The following HHLA2 variants were observed in gnomAD, a reference collection of about 807,000 sequenced individuals.
The protein encoded by HHLA2 is HHLA2 member of B7 family.
A neutral mutation model predicts 45.9 loss-of-function variants in HHLA2; 48 were observed. That is an observed-to-expected ratio of 1.05 (90% CI 0.83 to 1.33). HHLA2 has a LOEUF of 1.33. HHLA2 is among the 40% of genes most tolerant of loss of function. The probability of loss-of-function intolerance (pLI) is 0.00; values close to 1 mark genes in which losing one functional copy is unlikely to be tolerated. For synonymous variants in HHLA2, 161 were observed against 173.9 expected (o/e 0.93, Z 0.59); for missense variants, 462 against 494.3 (o/e 0.93, Z 0.62).
At chr3:108,372,177 C>G (rs1479581619) in intron 8 of HHLA2, among the ~76,000 whole-genome samples, 2 of 152,200 alleles carry the variant, frequency 1.3e-5, no homozygotes, top group East Asian at 3.8e-4. Flanking sequence ...GAAATTCACT[C>G]AAAACTGCTC....
At chr3:108,321,559 CT>C (rs1446686749) in intron 2 of HHLA2, among the ~76,000 whole-genome samples, 1 of 152,040 alleles carries the variant, frequency 6.6e-6, no homozygotes, top group Non-Finnish European at 1.5e-5. Flanking sequence ...TTTCTATTAG[CT>C]TTTTTCTCCT....
intron 2 of HHLA2, chr3:108,325,993 A>G: frequency 3.0e-6 from 1 of 332,948 alleles, no homozygotes; most frequent in South Asian, 3.2e-5. Flanking sequence ...AGTCATGGTC[A>G]TCAAAAGTTA....
At chr3:108,321,869 G>A (rs190217036) in intron 2 of HHLA2, among the ~76,000 whole-genome samples, 3 of 152,022 alleles carry the variant, frequency 2.0e-5, no homozygotes, top group African/African-American at 7.2e-5. Context: ...TTCTAACCCT[G>A]TTAATGACTT....
At chr3:108,308,549 C>T (rs1359049202) in intron 1 of HHLA2, among the ~76,000 whole-genome samples, 1 of 152,164 alleles carries the variant, frequency 6.6e-6, no homozygotes, top group African/African-American at 2.4e-5. Flanking sequence ...ATTGCTGGAT[C>T]ATACAGTAGT....
exon 11 of HHLA2, chr3:108,377,690 G>A (rs2082298378): frequency 6.2e-6 from 1 of 161,922 alleles, no homozygotes; most frequent in African/African-American, 2.4e-5. Context: ...AGTCACCTTA[G>A]TGGAAAGGTT....
At chr3:108,375,683 G>T in intron 8 of HHLA2, 67 bp from the exon 8 acceptor site, 2 of 1,562,570 alleles carry the variant, frequency 1.3e-6, no homozygotes, top group East Asian at 2.4e-5. Flanking sequence ...ATACCAAGGT[G>T]ACCTTACAGG....
intron 8 of HHLA2, among the ~76,000 whole-genome samples, chr3:108,370,384 G>A (rs942451415): frequency 1.3e-5 from 2 of 152,118 alleles, no homozygotes; most frequent in African/African-American, 4.8e-5. Context: ...GGAAAAAACA[G>A]AGCAGAAAAA....
chr3:108,355,049 G>A (rs1042657650), intron 5 of HHLA2, 66 bp from the exon 5 acceptor site: 3 of 1,482,860 alleles, frequency 2.0e-6, no homozygotes, highest in Admixed American at 2.2e-5. Context: ...AAAGTATTCT[G>A]CACAGACGGC....
chr3:108,366,068 G>T (rs1459857404), intron 8 of HHLA2, among the ~76,000 whole-genome samples: 1 of 152,160 alleles, frequency 6.6e-6, no homozygotes, highest in Non-Finnish European at 1.5e-5. Context: ...GTTTTCAAGG[G>T]GAATGCTTCC....
At chr3:108,366,367 G>C (rs1169014475) in intron 8 of HHLA2, among the ~76,000 whole-genome samples, 2 of 152,154 alleles carry the variant, frequency 1.3e-5, no homozygotes, top group Non-Finnish European at 2.9e-5. Flanking sequence ...GATGGGCTGT[G>C]GATTCAGTTT....
intron 1 of HHLA2, among the ~76,000 whole-genome samples, chr3:108,304,410 C>T (rs927920241): frequency 2.0e-5 from 3 of 152,114 alleles, no homozygotes; most frequent in African/African-American, 7.2e-5. Context: ...CAACTTCTGG[C>T]GACTCCTGGT....
intron 7 of HHLA2, among the ~76,000 whole-genome samples, chr3:108,359,232 T>C (rs1484742976): frequency 6.6e-6 from 1 of 152,124 alleles, no homozygotes; most frequent in Non-Finnish European, 1.5e-5. Flanking sequence ...ATGGCCCGTC[T>C]TCCCACCCAG....
intron 8 of HHLA2, among the ~76,000 whole-genome samples, chr3:108,373,379 A>G (rs1031869322): frequency 6.6e-6 from 1 of 152,152 alleles, no homozygotes; most frequent in African/African-American, 2.4e-5. Flanking sequence ...TATCATACTG[A>G]ACGGACAAAA....
chr3:108,339,276 A>G (rs1407893563), intron 3 of HHLA2, among the ~76,000 whole-genome samples: 2 of 152,222 alleles, frequency 1.3e-5, no homozygotes, highest in East Asian at 1.9e-4. Context: ...TAAATCTACA[A>G]TGAAATAAAC....
rs1223510478 is a variant in HHLA2 at position 108,296,593 on chromosome 3, AAG to A, written c.-197_-196del. ...ATTTGACTAGACGGTATGAATTTCT[AAG>A]TAAGGTAAGGATTTCTTTCTAAGTT... is the stretch of plus-strand genomic sequence containing the variant. On this transcript the variant is annotated 5_prime_UTR_variant, in exon 1 of 11. An upstream open reading frame in the 5' UTR loses its in-frame stop. Transcript: ENST00000619531. 1 of 152,224 alleles carries A rather than the reference AAG, an allele frequency of 6.6e-6. No individual in the cohort carries two copies. The highest frequency in any genetic ancestry group is 1.9e-4 in the East Asian group (1 of 5,196). 9.4% of individuals were successfully genotyped at this position (152,224 alleles called of 1,614,324 possible). A position where few individuals can be genotyped will look rare whatever the true frequency, so the allele number is the denominator to read the frequency against.
intron 2 of HHLA2, among the ~76,000 whole-genome samples, chr3:108,312,830 C>G (rs780768896): frequency 3.3e-5 from 5 of 152,144 alleles, no homozygotes; most frequent in Non-Finnish European, 7.3e-5. Flanking sequence ...CTCAAGGGAA[C>G]CTGAACTAAG....
At chr3:108,377,547 T>C in exon 11 of HHLA2, 1 of 421,784 alleles carries the variant, frequency 2.4e-6, no homozygotes, top group Non-Finnish European at 4.3e-6. Context: ...GTCTCATTCA[T>C]TTACATTTCT....
chr3:108,364,030 GT>G (rs2082023491), intron 8 of HHLA2, among the ~76,000 whole-genome samples: 1 of 151,592 alleles, frequency 6.6e-6, no homozygotes, highest in South Asian at 2.1e-4. Context: ...GAACATGCAG[GT>G]TTGTTACATA....
At chr3:108,319,559 CACAAA>C in intron 2 of HHLA2, among the ~76,000 whole-genome samples, 1 of 152,302 alleles carries the variant, frequency 6.6e-6, no homozygotes. Flanking sequence ...CATAAAGAGT[CACAAA>C]ACCTGTTCTT....
Sources: gnomAD v4.1 joint callset for allele counts (sites outside exome capture counted in the v4.1 genomes callset) on GRCh38, gnomAD v4.1.1 for gene constraint, MANE v1.5 for transcripts, NCBI Gene and HGNC (gene_info 2026-07-23, HGNC 2026-07-21) for gene names.